The following DAB1 variants were observed in gnomAD, a reference collection of about 807,000 sequenced individuals.
DAB1 encodes DAB adaptor protein 1.
DAB1 carries 15 observed loss-of-function variants against 64.6 expected under a neutral mutation model. That is an observed-to-expected ratio of 0.23 (90% CI 0.16 to 0.36). The LOEUF is 0.36. DAB1 is among the 10% of genes least tolerant of loss of function. DAB1 has a pLI of 1.00. For missense variants in DAB1, 596 were observed against 706.7 expected (o/e 0.84, Z 1.78); for synonymous variants, 235 against 251.9 (o/e 0.93, Z 0.64).
At chr1:57,389,589 T>C (rs939972463) in intron 1 of DAB1, among the ~76,000 whole-genome samples, 1 of 152,084 alleles carries the variant, frequency 6.6e-6, no homozygotes, top group Non-Finnish European at 1.5e-5. Context: ...CCTAACATCC[T>C]TCTGGGTCCA....
chr1:58,300,598 A>G (rs149436995), intron 4 of DAB1, among the ~76,000 whole-genome samples: 20 of 37,622 alleles, frequency 5.3e-4, no homozygotes, highest in African/African-American at 9.8e-4. Context: ...GAAAGAAAGA[A>G]AGAAAGAAAG....
intron 1 of DAB1, among the ~76,000 whole-genome samples, chr1:57,875,728 C>A (rs1022732457): frequency 5.3e-5 from 8 of 152,302 alleles, no homozygotes; most frequent in African/African-American, 1.9e-4. Context: ...ATTTCAAATT[C>A]TATCCAGGTT....
chr1:57,731,136 C>A (rs1478765933), intron 6 of DAB1, among the ~76,000 whole-genome samples: 1 of 152,130 alleles, frequency 6.6e-6, no homozygotes, highest in Non-Finnish European at 1.5e-5. Context: ...TACTATTCAG[C>A]CTTGAAAAGC....
chr1:58,132,220 T>C (rs567473409), intron 5 of DAB1, among the ~76,000 whole-genome samples: 9 of 152,236 alleles, frequency 5.9e-5, no homozygotes, highest in African/African-American at 2.2e-4. Context: ...GACCCGATTT[T>C]CCAGGTGCGG....
At chr1:57,180,057 C>T (rs1352825555) in intron 2 of DAB1, among the ~76,000 whole-genome samples, 2 of 152,194 alleles carry the variant, frequency 1.3e-5, no homozygotes, top group Non-Finnish European at 2.9e-5. Context: ...CATCCTGGCT[C>T]AAGTGTGAAT....
chr1:58,376,458 G>T (rs1422779817), intron 3 of DAB1, among the ~76,000 whole-genome samples: 2 of 138,044 alleles, frequency 1.4e-5, no homozygotes, highest in South Asian at 4.6e-4. Flanking sequence ...TTCAGGAGCA[G>T]GTTGTTCAGT....
intron 2 of DAB1, among the ~76,000 whole-genome samples, chr1:57,146,627 C>A (rs541482201): frequency 6.6e-6 from 1 of 152,294 alleles, no homozygotes; most frequent in Admixed American, 6.5e-5. Flanking sequence ...TCATATAGTA[C>A]TTTTCTATTG....
intron 4 of DAB1, among the ~76,000 whole-genome samples, chr1:57,088,196 G>A (rs533532): frequency 0.24 from 35,995 of 151,938 alleles, 5,067 homozygotes; most frequent in Middle Eastern, 0.37. Flanking sequence ...TCAGCCTCCC[G>A]AATAGCTGGG....
chr1:58,474,083 AAAGCATC>A (rs1405291137), intron 3 of DAB1: 9 of 469,442 alleles, frequency 1.9e-5, no homozygotes, highest in Non-Finnish European at 3.7e-5. Context: ...AATCACCAAT[AAAGCATC>A]AAGCATTCCT....
At chr1:58,101,223 A>G (rs1000926740) in intron 5 of DAB1, among the ~76,000 whole-genome samples, 6 of 152,212 alleles carry the variant, frequency 3.9e-5, no homozygotes, top group Non-Finnish European at 5.9e-5. Flanking sequence ...AGGCTGAGGC[A>G]GGAGAATGGT....
chr1:57,168,525 CA>C (rs1399039613), intron 2 of DAB1, among the ~76,000 whole-genome samples: 4 of 152,212 alleles, frequency 2.6e-5, no homozygotes, highest in African/African-American at 9.6e-5. Context: ...TTTCCTCTGT[CA>C]AGAACAAGAG....
intron 1 of DAB1, among the ~76,000 whole-genome samples, chr1:57,400,963 A>G (rs1408745013): frequency 1.3e-5 from 2 of 150,928 alleles, no homozygotes; most frequent in Non-Finnish European, 2.9e-5. Context: ...CAGTCTCTAA[A>G]CACCAGTGAG....
At chr1:57,859,323 C>T (rs913374809) in intron 1 of DAB1, among the ~76,000 whole-genome samples, 4 of 152,048 alleles carry the variant, frequency 2.6e-5, no homozygotes, top group East Asian at 1.9e-4. Flanking sequence ...GTTTGGGCTC[C>T]GTATCCCTCT....
At chr1:58,456,887 A>G (rs1159768058) in intron 3 of DAB1, among the ~76,000 whole-genome samples, 1 of 152,116 alleles carries the variant, frequency 6.6e-6, no homozygotes, top group Non-Finnish European at 1.5e-5. Context: ...TGATTTTAAT[A>G]TGCATGCAGG....
rs558762331 is a variant in DAB1, at chr1:57,216,934, A to G, written c.68-71505T>C. ...CTGACTTCCTTTCTAGAGAGGCTCT[A>G]GTAGAATTTCAGGCTGTGTAAATTT... is the stretch of plus-strand genomic sequence containing the variant. On this transcript the variant is annotated intron_variant, in intron 2 of 14. Transcript: ENST00000371236. Among the ~76,000 whole-genome samples the G allele has an allele frequency of 2.6e-5, 4 of 152,324 alleles. No homozygotes were observed. In the East Asian group the frequency reaches 5.8e-4, roughly 22 times the overall value.
intron 5 of DAB1, among the ~76,000 whole-genome samples, chr1:58,108,275 G>A (rs1651783080): frequency 6.6e-6 from 1 of 152,190 alleles, no homozygotes; most frequent in African/African-American, 2.4e-5. Flanking sequence ...TGTGAGATGA[G>A]GGTGAAGTTG....
chr1:57,987,495 G>A (rs1557597239), intron 5 of DAB1, among the ~76,000 whole-genome samples: 1 of 152,216 alleles, frequency 6.6e-6, no homozygotes, highest in African/African-American at 2.4e-5. Context: ...TAGCACAGCT[G>A]AGATCCCCAA....
intron 6 of DAB1, among the ~76,000 whole-genome samples, chr1:57,783,087 C>T: frequency 1.2e-5 from 1 of 86,744 alleles, no homozygotes; most frequent in Non-Finnish European, 2.5e-5. Flanking sequence ...TTCTTTCTTT[C>T]TCTCTCTCTC....
chr1:57,246,456 A>G (rs533637275), intron 2 of DAB1, among the ~76,000 whole-genome samples: 30 of 152,358 alleles, frequency 2.0e-4, no homozygotes, highest in Admixed American at 3.3e-4. Context: ...GAGCCTCCAC[A>G]TAGATTTCAG....
Sources: allele counts gnomAD v4.1 joint callset (sites outside exome capture counted in the v4.1 genomes callset), GRCh38; gene constraint gnomAD v4.1.1; transcripts MANE v1.5; gene names NCBI Gene and HGNC (gene_info 2026-07-23, HGNC 2026-07-21).